The following USP24 variants were observed in gnomAD, a reference collection of about 807,000 sequenced individuals.
The protein encoded by USP24 is ubiquitin carboxyl-terminal hydrolase 24.
A neutral mutation model predicts 361.6 loss-of-function variants in USP24; 97 were observed. That is an observed-to-expected ratio of 0.27 (90% CI 0.23 to 0.32). The LOEUF is 0.32. Among genes scored for constraint, USP24 ranks in the 10% least tolerant of loss-of-function variants. The probability of loss-of-function intolerance (pLI) is 1.00; values close to 1 mark genes in which losing one functional copy is unlikely to be tolerated. For missense variants in USP24, 2,353 were observed against 3,165.6 expected, an observed-to-expected ratio of 0.74 and a Z score of 6.16; for synonymous variants, 1,098 against 1,124.6, an observed-to-expected ratio of 0.98 and a Z score of 0.47.
intron 8 of USP24, 114 bp from the exon 9 acceptor site, chr1:55,159,799 T>C: frequency 1.0e-6 from 1 of 975,396 alleles, no homozygotes; most frequent in East Asian, 2.6e-5. Flanking sequence ...AAGATAAAAA[T>C]TTTCATATCA....
chr1:55,083,690 G>T, intron 57 of USP24, 82 bp downstream of exon 57: 1 of 1,006,206 alleles, frequency 9.9e-7, no homozygotes, highest in South Asian at 1.6e-5. Context: ...ATACCATATA[G>T]AACTTTACTA....
intron 1 of USP24, among the ~76,000 whole-genome samples, chr1:55,192,246 T>C (rs916808521): frequency 2.0e-5 from 3 of 151,092 alleles, no homozygotes; most frequent in Non-Finnish European, 4.4e-5. Context: ...ATTTAAGCCT[T>C]CTTTGTTGAA....
At chr1:55,133,434 A>G (rs1646646854) in intron 30 of USP24, among the ~76,000 whole-genome samples, 1 of 152,204 alleles carries the variant, frequency 6.6e-6, no homozygotes, top group South Asian at 2.1e-4. Context: ...ACTGAATCAC[A>G]ACTAGAGTCT....
At chr1:55,158,752 TTC>T (rs967187005) in intron 10 of USP24, 124 bp downstream of exon 10, 45 of 861,034 alleles carry the variant, frequency 5.2e-5, no homozygotes, top group African/African-American at 2.6e-4. Context: ...TACACAATCA[TTC>T]TCTTTTTTAT....
At chr1:55,087,956 G>A (rs1032897247) in intron 55 of USP24, among the ~76,000 whole-genome samples, 2 of 152,202 alleles carry the variant, frequency 1.3e-5, no homozygotes, top group African/African-American at 4.8e-5. Context: ...AAGCTCGGCA[G>A]GTTCAAGGAA....
At chr1:55,188,567 C>T (rs1349403385) in intron 1 of USP24, among the ~76,000 whole-genome samples, 2 of 151,654 alleles carry the variant, frequency 1.3e-5, no homozygotes, top group African/African-American at 2.4e-5. Flanking sequence ...AAAAAAGATA[C>T]AAGCGGTTCA....
chr1:55,207,732 C>T (rs1338924132), intron 1 of USP24, among the ~76,000 whole-genome samples: 1 of 152,086 alleles, frequency 6.6e-6, no homozygotes, highest in African/African-American at 2.4e-5. Flanking sequence ...CCCCCTATGG[C>T]TATCAAGGGA....
intron 1 of USP24, among the ~76,000 whole-genome samples, chr1:55,197,153 C>T (rs1424965748): frequency 6.6e-6 from 1 of 152,204 alleles, no homozygotes; most frequent in East Asian, 1.9e-4. Flanking sequence ...CAGTTGGCTT[C>T]ACCTTCTTCA....
At chr1:55,176,631 G>A (rs1650009206) in intron 2 of USP24, among the ~76,000 whole-genome samples, 188 bp from the exon 3 acceptor site, 1 of 152,068 alleles carries the variant, frequency 6.6e-6, no homozygotes, top group Non-Finnish European at 1.5e-5. Context: ...ATTAAAAGTA[G>A]AATATATACC....
In USP24 at chr1:55,165,966, G is replaced by A. The variant is rs1011238284; in HGVS notation, c.862-16C>T. The A allele has an allele frequency of 1.3e-6, 2 of 1,598,894 alleles. No individual in the cohort carries two copies. The highest frequency in any genetic ancestry group is 1.1e-5 in the South Asian group (1 of 88,782). ...ATTCTCCAAACTGAGAAGAAAAAAG[G>A]CACACATTAAGTTATTTTTCTCTTT... On this transcript the variant is annotated splice_polypyrimidine_tract_variant and intron_variant, in intron 6 of 67. Coordinates refer to ENST00000294383, the MANE Select transcript of USP24 (RefSeq NM_015306.3).
intron 53 of USP24, among the ~76,000 whole-genome samples, chr1:55,092,393 T>C (rs888028035): frequency 6.6e-6 from 1 of 152,190 alleles, no homozygotes; most frequent in Non-Finnish European, 1.5e-5. Context: ...TGTTAAGTCA[T>C]CAAGAGACTA....
At chr1:55,074,094 C>T (rs1164426080) in intron 63 of USP24, among the ~76,000 whole-genome samples, 188 bp from the exon 64 acceptor site, 2 of 116,770 alleles carry the variant, frequency 1.7e-5, no homozygotes, top group East Asian at 5.4e-4. Context: ...GGAAACACTA[C>T]TTTAAGTATG....
At chr1:55,156,510 C>A (rs888167443) in intron 12 of USP24, among the ~76,000 whole-genome samples, 3 of 152,030 alleles carry the variant, frequency 2.0e-5, no homozygotes, top group Non-Finnish European at 4.4e-5. Flanking sequence ...AAATTGAAGA[C>A]TATGTTGGAT....
intron 1 of USP24, among the ~76,000 whole-genome samples, chr1:55,195,204 T>C (rs929082780): frequency 6.6e-6 from 1 of 152,192 alleles, no homozygotes; most frequent in Non-Finnish European, 1.5e-5. Context: ...TCCATCACAA[T>C]ATATGGTTTG....
At chr1:55,152,081 C>G (rs923765123) in intron 16 of USP24, 11 of 699,752 alleles carry the variant, frequency 1.6e-5, no homozygotes, top group Non-Finnish European at 1.9e-5. Context: ...CCACTGCCCC[C>G]CTTCAGCAAT....
At chr1:55,069,747 C>T (rs1255731433) in intron 67 of USP24, among the ~76,000 whole-genome samples, 2 of 151,726 alleles carry the variant, frequency 1.3e-5, no homozygotes, top group African/African-American at 4.8e-5. Flanking sequence ...TCGCTTATGC[C>T]TGTAATCCCA....
At chr1:55,138,252 G>A (rs1003890286) in intron 26 of USP24, among the ~76,000 whole-genome samples, 3 of 151,958 alleles carry the variant, frequency 2.0e-5, no homozygotes, top group South Asian at 2.1e-4. Flanking sequence ...CCAAGCAAAC[G>A]TCATTTACCC....
intron 1 of USP24, among the ~76,000 whole-genome samples, chr1:55,190,472 A>G (rs1374715042): frequency 1.3e-5 from 2 of 152,212 alleles, no homozygotes; most frequent in Non-Finnish European, 2.9e-5. Flanking sequence ...GACCAAGAGA[A>G]CACATACAAA....
At chr1:55,120,045 A>G (rs544514) in intron 38 of USP24, among the ~76,000 whole-genome samples, 113,310 of 152,084 alleles carry the variant, frequency 0.75, 43,499 homozygotes, top group East Asian at 0.96. Context: ...ACTTGAGGTC[A>G]ATGTGAGACC....
Sources: allele counts gnomAD v4.1 joint callset (sites outside exome capture counted in the v4.1 genomes callset), GRCh38; gene constraint gnomAD v4.1.1; transcripts MANE v1.5; gene names NCBI Gene and HGNC (gene_info 2026-07-23, HGNC 2026-07-21).